Variants in SPIDR observed in about 807,000 individuals in gnomAD.
SPIDR encodes the protein scaffold protein involved in DNA repair, also known as DNA repair-scaffolding protein.
SPIDR carries 93 observed loss-of-function variants against 104.6 expected under a neutral mutation model. The ratio of observed to expected loss-of-function variants is 0.89; its 90% CI spans 0.75 to 1.06. SPIDR has a LOEUF of 1.06. Ranked by LOEUF, SPIDR falls within the 50% of genes least tolerant of loss-of-function variation. The pLI is 0.00. For missense variants in SPIDR, 1,154 were observed against 1,111.2 expected (o/e 1.04, Z -0.55); for synonymous variants, 431 against 416.9 (o/e 1.03, Z -0.41).
chr8:47,609,135 A>G (rs1454634172), intron 10 of SPIDR, among the ~76,000 whole-genome samples: 1 of 152,218 alleles, frequency 6.6e-6, no homozygotes, highest in African/African-American at 2.4e-5. Flanking sequence ...GTTGAATTGT[A>G]AGAGTTCTCT....
chr8:47,496,718 CTTTTT>C (rs71225690), intron 8 of SPIDR, among the ~76,000 whole-genome samples: 1 of 110,648 alleles, frequency 9.0e-6, no homozygotes. Context: ...ATTCCCTACT[CTTTTT>C]TTTTTTTTTT....
chr8:47,632,336 A>G (rs1175222057), intron 10 of SPIDR, among the ~76,000 whole-genome samples: 1 of 152,150 alleles, frequency 6.6e-6, no homozygotes, highest in East Asian at 1.9e-4. Flanking sequence ...GGCAAAATGC[A>G]AAATGCAAGC....
Position 47,599,164 on chromosome 8 carries a change from C to A in SPIDR, c.1512C>A (p.Ala504=). Residue 504 remains alanine (A), a synonymous_variant, in exon 10 of 20, where the codon GCC becomes GCA. Coordinates refer to ENST00000297423, the MANE Select transcript of SPIDR (RefSeq NM_001080394.4). ...ACAGCACCAGGGGTCAGCAGGGGGC[C>A]AGCTCAGGACACACAGACCCAGCTG... The part of the protein sequence containing the change: ...SRDSTRGQQG[A]SSGHTDPAGT... The A allele has an allele frequency of 6.2e-7, 1 of 1,613,684 alleles. No homozygotes were observed.
At chr8:47,476,402 A>G (rs1232495316) in intron 8 of SPIDR, among the ~76,000 whole-genome samples, 1 of 152,198 alleles carries the variant, frequency 6.6e-6, no homozygotes, top group Non-Finnish European at 1.5e-5. Context: ...ATGAGGAGAT[A>G]TGAAAATACC....
chr8:47,302,877 A>C (rs1375868484), intron 5 of SPIDR, among the ~76,000 whole-genome samples: 10 of 152,280 alleles, frequency 6.6e-5, no homozygotes, highest in African/African-American at 2.4e-4. Context: ...CCTCCCAGTT[A>C]GGCTACTCGA....
chr8:47,423,036 T>A (rs1301269024), intron 7 of SPIDR, among the ~76,000 whole-genome samples: 2 of 152,144 alleles, frequency 1.3e-5, no homozygotes, highest in Admixed American at 6.5e-5. Flanking sequence ...CCGGGTGTGG[T>A]GTCTCATGCT....
At chr8:47,488,288 C>T (rs539389473) in intron 8 of SPIDR, among the ~76,000 whole-genome samples, 1 of 152,250 alleles carries the variant, frequency 6.6e-6, no homozygotes, top group South Asian at 2.1e-4. Context: ...TACACCCTTC[C>T]AAGACTAAAC....
intron 5 of SPIDR, among the ~76,000 whole-genome samples, chr8:47,320,778 C>T (rs1359425188): frequency 6.6e-5 from 10 of 152,174 alleles, no homozygotes; most frequent in Non-Finnish European, 1.5e-4. Context: ...CCCTGGGATG[C>T]AAGGCAGGTT....
intron 10 of SPIDR, among the ~76,000 whole-genome samples, chr8:47,659,013 A>G (rs1047588004): frequency 6.6e-6 from 1 of 151,344 alleles, no homozygotes; most frequent in East Asian, 1.9e-4. Flanking sequence ...GTCCCAGCAC[A>G]TTGGGAGGCT....
intron 14 of SPIDR, among the ~76,000 whole-genome samples, chr8:47,709,963 C>T (rs1175551354): frequency 6.7e-6 from 1 of 150,278 alleles, no homozygotes; most frequent in Non-Finnish European, 1.5e-5. Context: ...CTGCAACCTC[C>T]GCCTACTGGG....
chr8:47,619,718 G>C (rs986674964), intron 10 of SPIDR, among the ~76,000 whole-genome samples: 4 of 151,244 alleles, frequency 2.6e-5, no homozygotes, highest in African/African-American at 9.7e-5. Flanking sequence ...TGATTTTCCT[G>C]CTTCAGCCTC....
chr8:47,711,994 C>T (rs888833136), intron 14 of SPIDR, among the ~76,000 whole-genome samples: 6 of 152,196 alleles, frequency 3.9e-5, no homozygotes, highest in Admixed American at 2.6e-4. Flanking sequence ...CCAGCTGAAC[C>T]TCCAACTGGC....
At chr8:47,422,266 G>A (rs2065634383) in intron 7 of SPIDR, among the ~76,000 whole-genome samples, 1 of 152,178 alleles carries the variant, frequency 6.6e-6, no homozygotes, top group Non-Finnish European at 1.5e-5. Context: ...CCCCGTTTGA[G>A]CTTCCTGGCT....
intron 7 of SPIDR, among the ~76,000 whole-genome samples, chr8:47,439,278 T>C (rs942737751): frequency 2.0e-5 from 3 of 152,234 alleles, no homozygotes; most frequent in Admixed American, 6.5e-5. Context: ...TTCATGACTT[T>C]TCTGTGAATC....
chr8:47,508,377 A>T (rs1236781222), intron 8 of SPIDR, among the ~76,000 whole-genome samples: 1 of 152,188 alleles, frequency 6.6e-6, no homozygotes, highest in Non-Finnish European at 1.5e-5. Context: ...GACTTGATAT[A>T]CTGAGTTTGA....
intron 8 of SPIDR, among the ~76,000 whole-genome samples, chr8:47,444,446 G>T (rs2070136891): frequency 1.3e-5 from 2 of 152,216 alleles, no homozygotes; most frequent in South Asian, 4.1e-4. Flanking sequence ...ATCCCAGTAT[G>T]CTGGAAGAGC....
chr8:47,619,155 G>A (rs1750573931), intron 10 of SPIDR, among the ~76,000 whole-genome samples: 1 of 152,138 alleles, frequency 6.6e-6, no homozygotes, highest in African/African-American at 2.4e-5. Flanking sequence ...TTTAAGATTT[G>A]TTAATGATTA....
At chr8:47,366,678 A>AG (rs1491307132) in intron 5 of SPIDR, among the ~76,000 whole-genome samples, 1 of 152,200 alleles carries the variant, frequency 6.6e-6, no homozygotes, top group Non-Finnish European at 1.5e-5. Flanking sequence ...AATCTGAGAA[A>AG]GGGGGAGGAT....
chr8:47,584,386 C>T (rs1368988190), intron 8 of SPIDR, among the ~76,000 whole-genome samples: 1 of 152,148 alleles, frequency 6.6e-6, no homozygotes, highest in Non-Finnish European at 1.5e-5. Context: ...AACATTTCTG[C>T]AGAAACAGGT....
Sources: allele counts gnomAD v4.1 joint callset (sites outside exome capture counted in the v4.1 genomes callset), GRCh38; gene constraint gnomAD v4.1.1; transcripts MANE v1.5; gene names NCBI Gene and HGNC (gene_info 2026-07-23, HGNC 2026-07-21).